SOS1: variants seen among roughly 807,000 people sequenced by gnomAD.
The protein encoded by SOS1 is son of sevenless homolog 1.
In SOS1, 25 loss-of-function variants were observed where a neutral mutation model predicts 157.6. The observed-to-expected ratio is 0.16, with a 90% CI of 0.12 to 0.22. The LOEUF is 0.22. Among genes scored for constraint, SOS1 ranks in the 10% least tolerant of loss-of-function variants. The probability of loss-of-function intolerance (pLI) is 1.00; values close to 1 mark genes in which losing one functional copy is unlikely to be tolerated. For synonymous variants in SOS1, 528 were observed against 534.0 expected (o/e 0.99, Z 0.16); for missense variants, 1,237 against 1,599.1 (o/e 0.77, Z 3.86).
rs548519280 is a variant in SOS1, at chr2:38,985,988, G to T, written c.3838C>A (p.Gln1280Lys). 5.0e-6 allele frequency: 8 copies of T among 1,613,920 alleles called. No individual in the cohort carries two copies. The highest frequency in any genetic ancestry group is 2.7e-5 in the African/African-American group (2 of 75,036). Residue 1280 changes from glutamine (Q) to lysine (K), a missense_variant, in exon 23 of 23, where the codon CAA (glutamine) becomes AAA (lysine). By Grantham distance (53) the Gln-to-Lys change is moderately conservative. Around this residue, in one of 15 missense-constraint regions of SOS1, gnomAD observed 306 missense variants for 322.6 expected, o/e 0.95. Coordinates refer to ENST00000402219, the MANE Select transcript of SOS1 (RefSeq NM_005633.4). ...RRHLPSPPLT[Q>K]EVDLHSIAGP... ...GCAATGGAATGAAGGTCCACTTCTTGTGTCAATGGTGGTGATGGCAGATGC... is the reference window on the plus strand; with the variant it reads ...GCAATGGAATGAAGGTCCACTTCTTTTGTCAATGGTGGTGATGGCAGATGC...
chr2:39,044,577 A>G (rs137858679), intron 6 of SOS1, among the ~76,000 whole-genome samples: 1,623 of 152,308 alleles, frequency 0.011, 13 homozygotes, highest in South Asian at 0.021. Flanking sequence ...TAAGATGTAT[A>G]CAGCTGACCT....
At chr2:39,082,914 A>G (rs1429674702) in intron 1 of SOS1, among the ~76,000 whole-genome samples, 1 of 152,170 alleles carries the variant, frequency 6.6e-6, no homozygotes, top group African/African-American at 2.4e-5. Context: ...TTTTATAAAG[A>G]AGAGGAAATG....
intron 14 of SOS1, 57 bp from the exon 15 acceptor site, chr2:39,010,760 T>C (rs1469997784): frequency 7.3e-7 from 1 of 1,369,098 alleles, no homozygotes; most frequent in East Asian, 2.3e-5. Context: ...ATAGACATTG[T>C]TTTATTAAGT....
chr2:39,116,130 G>A (rs1673641862), intron 1 of SOS1, among the ~76,000 whole-genome samples: 1 of 152,114 alleles, frequency 6.6e-6, no homozygotes, highest in Non-Finnish European at 1.5e-5. Context: ...TTCCAAATCT[G>A]CTTAATCAGA....
chr2:38,988,759 A>G (rs1668627380), intron 21 of SOS1, among the ~76,000 whole-genome samples: 1 of 152,146 alleles, frequency 6.6e-6, no homozygotes, highest in African/African-American at 2.4e-5. Flanking sequence ...CCTTACAATT[A>G]AAATGGAACT....
chr2:39,054,866 C>T (rs376430259), intron 4 of SOS1, 43 bp from the exon 5 acceptor site: 1 of 1,034,686 alleles, frequency 9.7e-7, no homozygotes, highest in Non-Finnish European at 1.5e-6. Context: ...AAATATGAAG[C>T]TTTCGTAGAA....
intron 1 of SOS1, among the ~76,000 whole-genome samples, chr2:39,078,182 C>T (rs1319297916): frequency 1.3e-5 from 2 of 152,164 alleles, no homozygotes; most frequent in East Asian, 3.8e-4. Context: ...GCCTCAATCT[C>T]AATCTCAATC....
At chr2:39,086,223 G>T (rs1257571719) in intron 1 of SOS1, among the ~76,000 whole-genome samples, 10 of 152,184 alleles carry the variant, frequency 6.6e-5, no homozygotes, top group Admixed American at 6.5e-4. Flanking sequence ...CAGAATTTAG[G>T]TGAAAAGTAT....
At chr2:39,080,665 G>GT (rs1310200664) in intron 1 of SOS1, among the ~76,000 whole-genome samples, 4 of 151,936 alleles carry the variant, frequency 2.6e-5, no homozygotes, top group African/African-American at 4.8e-5. Flanking sequence ...TGGATGCTGA[G>GT]TATTGAGAAA....
intron 1 of SOS1, among the ~76,000 whole-genome samples, chr2:39,072,521 G>A (rs1671826122): frequency 6.6e-6 from 1 of 152,090 alleles, no homozygotes; most frequent in African/African-American, 2.4e-5. Context: ...TAATTATGTA[G>A]AGTTGTATAT....
chr2:39,012,611 T>C (rs1487092709), intron 13 of SOS1, among the ~76,000 whole-genome samples: 1 of 152,180 alleles, frequency 6.6e-6, no homozygotes, highest in Non-Finnish European at 1.5e-5. Flanking sequence ...TAGAAAGTAC[T>C]TAATTTGTAG....
At chr2:39,042,549 G>A (rs901753176) in intron 6 of SOS1, among the ~76,000 whole-genome samples, 1 of 151,566 alleles carries the variant, frequency 6.6e-6, no homozygotes, top group African/African-American at 2.4e-5. Flanking sequence ...GATCACAGAT[G>A]CCCGCCACTA....
chr2:38,987,659 T>G (rs1668596683), intron 21 of SOS1, 68 bp from the exon 22 acceptor site: 1 of 812,938 alleles, frequency 1.2e-6, no homozygotes, highest in East Asian at 2.6e-5. Context: ...CCTTGAAAAG[T>G]CTTAGCTGGA....
intron 1 of SOS1, among the ~76,000 whole-genome samples, chr2:39,090,331 T>TGG (rs1293116296): frequency 3.9e-5 from 6 of 152,120 alleles, no homozygotes; most frequent in Non-Finnish European, 1.5e-5. Flanking sequence ...CTCTTCTTTG[T>TGG]GGGGGCTGGG....
At chr2:39,067,579 C>T (rs960070777) in intron 2 of SOS1, 49 bp downstream of exon 2, 3 of 1,558,828 alleles carry the variant, frequency 1.9e-6, no homozygotes, top group African/African-American at 2.7e-5. Flanking sequence ...ACATTACAAC[C>T]AACACACAAA....
At position 39,120,308 on chromosome 2, in the gene SOS1, G is replaced by C. The variant is rs550848784; in HGVS notation, c.87+28C>G. 25 of 1,551,948 alleles carry C rather than the reference G, an allele frequency of 1.6e-5. 1 individual carries two copies. The Admixed American group carries it at 2.1e-4, about 13-fold the overall frequency. On this transcript the variant is annotated intron_variant, in intron 1 of 22. Coordinates refer to ENST00000402219, the MANE Select transcript of SOS1 (RefSeq NM_005633.4). ...GCGCCCGCGCTGGGGGGCTGCGGCC[G>C]GGAAGCGGGGTCCCGCGTGCTCCTC...
At chr2:39,057,780 T>G (rs1671262633) in intron 3 of SOS1, among the ~76,000 whole-genome samples, 1 of 152,096 alleles carries the variant, frequency 6.6e-6, no homozygotes, top group Non-Finnish European at 1.5e-5. Context: ...GAATGCCTTT[T>G]CCATAAGGCA....
intron 6 of SOS1, among the ~76,000 whole-genome samples, chr2:39,036,693 C>T (rs1000908229): frequency 6.6e-6 from 1 of 152,202 alleles, no homozygotes; most frequent in African/African-American, 2.4e-5. Flanking sequence ...CCTGCCTCAG[C>T]CTCCCGAGTA....
intron 17 of SOS1, among the ~76,000 whole-genome samples, chr2:39,005,446 C>A (rs1669253332): frequency 6.6e-6 from 1 of 151,900 alleles, no homozygotes; most frequent in South Asian, 2.1e-4. Context: ...AACAAATTGT[C>A]CAACTTTATG....
Sources: allele counts gnomAD v4.1 joint callset (sites outside exome capture counted in the v4.1 genomes callset), GRCh38; gene constraint gnomAD v4.1.1; regional missense constraint gnomAD v4.1.1; transcripts MANE v1.5; gene names NCBI Gene and HGNC (gene_info 2026-07-23, HGNC 2026-07-21).